The following ANKDD1A variants were observed in gnomAD, a reference collection of about 807,000 sequenced individuals.
ANKDD1A encodes ankyrin repeat and death domain-containing protein 1A.
ANKDD1A carries 59 observed loss-of-function variants against 63.5 expected under a neutral mutation model. The observed-to-expected ratio is 0.93, with a 90% confidence interval of 0.75 to 1.15. The LOEUF is 1.15. ANKDD1A is among the 50% of genes most tolerant of loss of function. The pLI, the probability that ANKDD1A is intolerant of heterozygous loss-of-function variation, is 0.00. For synonymous variants in ANKDD1A, 266 were observed against 263.9 expected (o/e 1.01, Z -0.08); for missense variants, 632 against 656.4 (o/e 0.96, Z 0.41).
intron 13 of ANKDD1A, among the ~76,000 whole-genome samples, chr15:64,948,651 C>A (rs1341576167): frequency 6.6e-6 from 1 of 151,988 alleles, no homozygotes; most frequent in Non-Finnish European, 1.5e-5. Flanking sequence ...ATGGTGAATC[C>A]CCCGTCTCTA....
rs142426871 is a variant in ANKDD1A, at chr15:64,931,936, C to A, written c.768+351C>A. On this transcript the variant is annotated intron_variant, in intron 8 of 14. Coordinates refer to ENST00000319580, the MANE Select transcript of ANKDD1A (RefSeq NM_182703.6). ...TTGAGATGGGTCTTACTCTGTCGCC[C>A]AGGCTGAAGTGCAATGGTGCGATCT... 2.4e-5 allele frequency: 9 copies of A among 382,704 alleles called. 1 individual carries two copies. Among genetic ancestry groups the A allele is most frequent in the Middle Eastern group, 1.4e-3 (2 of 1,430 alleles). The allele number at this position is 382,704 out of a possible 1,614,324, so 23.7% of individuals were successfully genotyped here. A position where few individuals can be genotyped will look rare whatever the true frequency, so the allele number is the denominator to read the frequency against.
intron 4 of ANKDD1A, among the ~76,000 whole-genome samples, chr15:64,923,802 A>G (rs1366198295): frequency 6.6e-6 from 1 of 152,226 alleles, no homozygotes; most frequent in East Asian, 1.9e-4. Flanking sequence ...GGAAGGGCTC[A>G]GTGGCCCTGG....
chr15:64,951,599 T>C lies in ANKDD1A; in HGVS notation c.1483+1627T>C, dbSNP rs1422751981. Among the ~76,000 whole-genome samples, 121 of 90,152 alleles carry C rather than the reference T, an allele frequency of 1.3e-3. 2 individuals carry two copies. The highest frequency in any genetic ancestry group is 4.6e-3 in the African/African-American group (113 of 24,800). 59.1% of individuals were successfully genotyped at this position (90,152 alleles called of 152,430 possible). Reference sequence around the variant, plus strand: ...TTCTTCTTCTTCCTTTTCTTTCTTCTTTCTTCTTGTTCCTTATTCTTCTTC... The same window carrying C: ...TTCTTCTTCTTCCTTTTCTTTCTTCCTTCTTCTTGTTCCTTATTCTTCTTC... On this transcript the variant is annotated intron_variant, in intron 14 of 14. Coordinates refer to ENST00000319580, the MANE Select transcript of ANKDD1A (RefSeq NM_182703.6).
At chr15:64,948,019 T>C (rs2085237491) in intron 13 of ANKDD1A, among the ~76,000 whole-genome samples, 2 of 149,060 alleles carry the variant, frequency 1.3e-5, no homozygotes, top group African/African-American at 4.9e-5. Flanking sequence ...GAATACTTAA[T>C]ATACATAGGA....
intron 12 of ANKDD1A, 38 bp from the exon 13 acceptor site, chr15:64,947,366 G>A (rs747080685): frequency 3.8e-6 from 6 of 1,593,776 alleles, no homozygotes; most frequent in Admixed American, 1.7e-5. Context: ...CTGGGATCAT[G>A]AGGGAGAGCT....
intron 14 of ANKDD1A, among the ~76,000 whole-genome samples, chr15:64,951,720 C>CGTTCTTCCTCTTTTCTTTTTCTTT (rs1276132353): frequency 7.3e-6 from 1 of 136,252 alleles, no homozygotes. Flanking sequence ...TCTTTTTCTT[C>CGTTCTTCCTCTTTTCTTTTTCTTT]CCTTTTCTTC....
chr15:64,933,226 G>A (rs1005034956), intron 8 of ANKDD1A, among the ~76,000 whole-genome samples: 18 of 152,174 alleles, frequency 1.2e-4, no homozygotes, highest in African/African-American at 4.3e-4. Flanking sequence ...TAGCAGGGTG[G>A]CTAGCTAGTC....
intron 11 of ANKDD1A, 54 bp downstream of exon 11, chr15:64,943,636 C>A: frequency 2.0e-6 from 3 of 1,530,680 alleles, no homozygotes; most frequent in South Asian, 2.2e-5. Context: ...CCCCCCTTGC[C>A]AGAGACCCTG....
intron 9 of ANKDD1A, among the ~76,000 whole-genome samples, chr15:64,940,144 TA>T (rs60623769): frequency 0.048 from 6,985 of 145,066 alleles, 572 homozygotes; most frequent in African/African-American, 0.17. Context: ...AACTCAACAG[TA>T]AAAAAAAAAA....
At chr15:64,953,646 C>CTTCTTCCT in intron 14 of ANKDD1A, among the ~76,000 whole-genome samples, 1 of 2,796 alleles carries the variant, frequency 3.6e-4, no homozygotes, top group African/African-American at 4.0e-4. Flanking sequence ...TCTTCCTCTT[C>CTTCTTCCT]CTTCTCCTTC....
chr15:64,937,771 G>A (rs1221420850), intron 9 of ANKDD1A, among the ~76,000 whole-genome samples: 2 of 152,064 alleles, frequency 1.3e-5, no homozygotes, highest in African/African-American at 4.8e-5. Flanking sequence ...AATGAGGACA[G>A]TTTTCAAAAA....
intron 4 of ANKDD1A, among the ~76,000 whole-genome samples, chr15:64,924,255 A>T (rs969581019): frequency 3.9e-5 from 6 of 152,238 alleles, no homozygotes; most frequent in African/African-American, 1.2e-4. Flanking sequence ...AGACTTCCTT[A>T]TGTGTCTGCC....
intron 12 of ANKDD1A, among the ~76,000 whole-genome samples, chr15:64,945,630 A>ATATATATATATATATATG (rs1188413566): frequency 4.3e-5 from 2 of 46,156 alleles, no homozygotes; most frequent in Non-Finnish European, 7.3e-5. Context: ...ATATATATAT[A>ATATATATATATATATATG]TGAACTTTTT....
At chr15:64,924,630 A>G (rs898512568) in intron 4 of ANKDD1A, among the ~76,000 whole-genome samples, 1 of 152,246 alleles carries the variant, frequency 6.6e-6, no homozygotes. Context: ...CAGTTTTACT[A>G]AACTATAGAC....
In ANKDD1A at chr15:64,945,454, G is replaced by T. The variant is rs189812589; in HGVS notation, c.1161+707G>T. 1.1e-3 allele frequency among the ~76,000 whole-genome samples: 170 copies of T among 151,566 alleles called. 2 individuals are homozygous for T. The highest frequency in any genetic ancestry group is 3.4e-3 in the African/African-American group (139 of 41,286). On this transcript the variant is annotated intron_variant, in intron 12 of 14. Coordinates refer to ENST00000319580, the MANE Select transcript of ANKDD1A (RefSeq NM_182703.6). ...CACTTCAATATAGTATTCACTAAAT[G>T]ACATGAGATATTCAGCACTTTATTA...
chr15:64,925,819 C>T (rs1024803869), intron 4 of ANKDD1A, among the ~76,000 whole-genome samples: 3 of 152,120 alleles, frequency 2.0e-5, no homozygotes, highest in Admixed American at 6.5e-5. Context: ...GTAACTGGCC[C>T]GAGACTCCGG....
chr15:64,943,904 G>A (rs906647649), intron 11 of ANKDD1A: 1 of 341,418 alleles, frequency 2.9e-6, no homozygotes, highest in Non-Finnish European at 5.6e-6. Flanking sequence ...GAATACCACA[G>A]TACTGCCCAA....
chr15:64,915,575 G>A (rs1021622138), intron 1 of ANKDD1A, among the ~76,000 whole-genome samples: 20 of 152,180 alleles, frequency 1.3e-4, no homozygotes, highest in African/African-American at 2.4e-4. Flanking sequence ...GTTTCACCAC[G>A]TCCTGGTTGC....
intron 4 of ANKDD1A, among the ~76,000 whole-genome samples, chr15:64,924,593 T>C (rs1444986735): frequency 2.6e-5 from 4 of 152,264 alleles, no homozygotes; most frequent in Admixed American, 1.3e-4. Context: ...TATGTAGCTC[T>C]ACCTTGCCAG....
Sources: allele counts gnomAD v4.1 joint callset (sites outside exome capture counted in the v4.1 genomes callset), GRCh38; gene constraint gnomAD v4.1.1; transcripts MANE v1.5; gene names NCBI Gene and HGNC (gene_info 2026-07-23, HGNC 2026-07-21).